The following PCBP3 variants were observed in gnomAD, a reference collection of about 807,000 sequenced individuals.
The protein encoded by PCBP3 is poly(rC)-binding protein 3.
PCBP3 carries 25 observed loss-of-function variants against 52.7 expected under a neutral mutation model. That is an observed-to-expected ratio of 0.47 (90% CI 0.35 to 0.66). The LOEUF is 0.66. Ranked by LOEUF, PCBP3 falls within the 30% of genes least tolerant of loss-of-function variation. The probability of loss-of-function intolerance (pLI) is 0.01; values close to 1 mark genes in which losing one functional copy is unlikely to be tolerated. For missense variants in PCBP3, 391 were observed against 490.3 expected, an observed-to-expected ratio of 0.80 and a Z score of 1.91; for synonymous variants, 162 against 183.0, an observed-to-expected ratio of 0.89 and a Z score of 0.93.
At chr21:45,716,193 A>G (rs923004468) in intron 2 of PCBP3, among the ~76,000 whole-genome samples, 2 of 152,094 alleles carry the variant, frequency 1.3e-5, no homozygotes, top group South Asian at 2.1e-4. Flanking sequence ...TGGATATTCA[A>G]TTGTCCCAGC....
intron 13 of PCBP3, among the ~76,000 whole-genome samples, chr21:45,923,199 C>G (rs2074708528): frequency 6.6e-6 from 1 of 152,244 alleles, no homozygotes; most frequent in African/African-American, 2.4e-5. Flanking sequence ...GTGTCTCCCT[C>G]TGGAACCCTG....
At position 45,917,709 on chromosome 21, in the gene PCBP3, C is replaced by T. The variant is rs746275325; in HGVS notation, c.717+80C>T. On this transcript the variant is annotated intron_variant, in intron 13 of 17. Coordinates refer to ENST00000681687, the MANE Select transcript of PCBP3 (RefSeq NM_001384156.1). This position sits in a 1 kb window ranked among gnomAD's most constrained non-coding sequence, Gnocchi z 5.3. Reference sequence around the variant, plus strand: ...ACCTGCATGCTGCTGTTAATTGCTACTAACATTAATATTACACAATAATAT... The same window carrying T: ...ACCTGCATGCTGCTGTTAATTGCTATTAACATTAATATTACACAATAATAT... 24 of 1,067,712 alleles carry T rather than the reference C, an allele frequency of 2.2e-5. No individual in the cohort carries two copies. In the Admixed American group the frequency reaches 4.0e-4, roughly 18 times the overall value. 66.1% of individuals were successfully genotyped at this position (1,067,712 alleles called of 1,614,324 possible).
chr21:45,919,834 T>C (rs1213860056), intron 13 of PCBP3, among the ~76,000 whole-genome samples: 1 of 61,548 alleles, frequency 1.6e-5, no homozygotes, highest in East Asian at 3.1e-4. Flanking sequence ...TGTGTGTGTG[T>C]GTGCGCGCGC....
chr21:45,750,027 G>T (rs2087278302), intron 3 of PCBP3: 1 of 152,224 alleles, frequency 6.6e-6, no homozygotes, highest in South Asian at 2.1e-4. Context: ...TTCCCCCTTT[G>T]GGGCGTGTCC....
intron 1 of PCBP3, among the ~76,000 whole-genome samples, chr21:45,663,234 C>A (rs554855203): frequency 6.6e-6 from 1 of 152,114 alleles, no homozygotes; most frequent in South Asian, 2.1e-4. Flanking sequence ...AACACGTGAC[C>A]CACGTGACCT....
In PCBP3 at chr21:45,737,288, G is replaced by A. The variant is rs1167561476; in HGVS notation, c.-162+1859G>A. ...TTCTCTGTGCTAGGTTATTGTTGTG[G>A]CTTTAGCTAAAGCTGCTGTAATACC... On this transcript the variant is annotated intron_variant, in intron 3 of 17. Coordinates refer to ENST00000681687, the MANE Select transcript of PCBP3 (RefSeq NM_001384156.1). The surrounding 1 kb of genome is among the most constrained non-coding windows in gnomAD (Gnocchi z 4.9). Among the ~76,000 whole-genome samples the A allele has an allele frequency of 1.3e-5, 2 of 152,180 alleles. No homozygotes were observed. The highest frequency in any genetic ancestry group is 3.9e-4 in the East Asian group (2 of 5,188).
intron 5 of PCBP3, among the ~76,000 whole-genome samples, chr21:45,855,591 A>C (rs959984918): frequency 1.3e-5 from 2 of 152,200 alleles, no homozygotes; most frequent in Non-Finnish European, 2.9e-5. Context: ...CCTACATCTG[A>C]GATATAAATG....
chr21:45,684,055 C>CGA (rs2082010799), intron 2 of PCBP3, among the ~76,000 whole-genome samples: 1 of 78,474 alleles, frequency 1.3e-5, no homozygotes, highest in Non-Finnish European at 2.6e-5. Context: ...CCCATCTCTA[C>CGA]AAAAAAAAAA....
intron 4 of PCBP3, among the ~76,000 whole-genome samples, chr21:45,838,793 C>T (rs2093641966): frequency 6.6e-6 from 1 of 152,104 alleles, no homozygotes; most frequent in South Asian, 2.1e-4. Flanking sequence ...GATATGCAGT[C>T]AGATTCCTGT....
At chr21:45,870,266 G>A (rs1482456929) in intron 5 of PCBP3, among the ~76,000 whole-genome samples, 1 of 151,994 alleles carries the variant, frequency 6.6e-6, no homozygotes, top group Non-Finnish European at 1.5e-5. Context: ...TTTTTAAGGA[G>A]ATATTTTTAG....
intron 16 of PCBP3, among the ~76,000 whole-genome samples, chr21:45,939,127 G>A (rs2077184066): frequency 6.6e-6 from 1 of 152,242 alleles, no homozygotes; most frequent in South Asian, 2.1e-4. Context: ...GTGCCCAGCT[G>A]CCCTCCTGGT....
chr21:45,906,827 T>C (rs1318481146), intron 9 of PCBP3, among the ~76,000 whole-genome samples: 3 of 152,298 alleles, frequency 2.0e-5, no homozygotes, highest in East Asian at 1.9e-4. Context: ...GAATGAATGT[T>C]TTCCAATCAA....
At chr21:45,799,457 G>A (rs529175319) in intron 4 of PCBP3, among the ~76,000 whole-genome samples, 10 of 152,108 alleles carry the variant, frequency 6.6e-5, no homozygotes, top group Non-Finnish European at 1.5e-4. Context: ...ATCTTCCTCT[G>A]TACCTAATTT....
At chr21:45,833,863 C>T (rs1437864699) in intron 4 of PCBP3, among the ~76,000 whole-genome samples, 1 of 152,234 alleles carries the variant, frequency 6.6e-6, no homozygotes, top group Non-Finnish European at 1.5e-5. Flanking sequence ...TCAGGGAACA[C>T]CTGACTCCCT....
chr21:45,900,127 G>T (rs2095989227), intron 7 of PCBP3, among the ~76,000 whole-genome samples: 1 of 152,212 alleles, frequency 6.6e-6, no homozygotes, highest in Non-Finnish European at 1.5e-5. Context: ...GCTTCCGGGG[G>T]TCCTTCCCCT....
intron 4 of PCBP3, among the ~76,000 whole-genome samples, chr21:45,790,097 G>A (rs562424555): frequency 2.0e-5 from 3 of 152,178 alleles, no homozygotes; most frequent in South Asian, 4.2e-4. Context: ...CCGAGATCTC[G>A]CCACTGCACT....
At chr21:45,787,892 C>T (rs1285378393) in intron 4 of PCBP3, among the ~76,000 whole-genome samples, 1 of 152,164 alleles carries the variant, frequency 6.6e-6, no homozygotes, top group Admixed American at 6.5e-5. Flanking sequence ...GAAAGCCTTA[C>T]TAAAGAGATC....
At chr21:45,669,805 GTATATATA>G (rs773020402) in intron 2 of PCBP3, among the ~76,000 whole-genome samples, 1,878 of 49,614 alleles carry the variant, frequency 0.038, 26 homozygotes, top group South Asian at 0.13. Context: ...GTGTGTGTGT[GTATATATA>G]TATATATATA....
chr21:45,679,809 G>C (rs2081721724), intron 2 of PCBP3, among the ~76,000 whole-genome samples: 1 of 152,072 alleles, frequency 6.6e-6, no homozygotes, highest in Admixed American at 6.5e-5. Flanking sequence ...CTTCTATTCT[G>C]TCTAAGTTTT....
Sources: gnomAD v4.1 joint callset for allele counts (sites outside exome capture counted in the v4.1 genomes callset) on GRCh38, gnomAD v4.1.1 for gene constraint, Gnocchi (gnomAD v3.1) non-coding constraint, MANE v1.5 for transcripts, NCBI Gene and HGNC (gene_info 2026-07-23, HGNC 2026-07-21) for gene names.